The following TCP10L variants were observed in gnomAD, a reference collection of about 807,000 sequenced individuals.
The protein encoded by TCP10L is t-complex 10 like, also known as T-complex protein 10A homolog 1.
Under a neutral mutation model 19.2 loss-of-function variants are expected in TCP10L, and 11 were observed. The ratio of observed to expected loss-of-function variants is 0.57; its 90% CI spans 0.36 to 0.95. TCP10L has a LOEUF of 0.95. TCP10L is among the 40% of genes least tolerant of loss of function. The pLI is 0.01. For missense variants in TCP10L, 247 were observed against 263.9 expected (o/e 0.94, Z 0.44); for synonymous variants, 96 against 97.2 (o/e 0.99, Z 0.07).
Position 32,578,627 on chromosome 21 carries a change from A to G in TCP10L, c.498+67T>C. 1 of 1,565,448 alleles carries G rather than the reference A, an allele frequency of 6.4e-7. No individual in the cohort carries two copies. The highest frequency in any genetic ancestry group is 8.6e-7 in the Non-Finnish European group (1 of 1,156,888). ...GGTGAAATTGTGTGGTGAGGAGCTG[A>G]TGGGATGTGTGTGTTTGGGTACAGA... On this transcript the variant is annotated intron_variant, in intron 4 of 4. Transcript: ENST00000300258. The surrounding 1 kb of genome is among the most constrained non-coding windows in gnomAD (Gnocchi z 4.2).
intron 1 of TCP10L, 127 bp downstream of exon 1, chr21:32,585,294 T>C: frequency 3.7e-6 from 1 of 272,448 alleles, no homozygotes; most frequent in Non-Finnish European, 7.4e-6. Context: ...CTCACAGCCC[T>C]GAGAAAGCTC....
At chr21:32,583,024 C>CTTTTTTTTTTTTTT in intron 2 of TCP10L, among the ~76,000 whole-genome samples, 1 of 94,814 alleles carries the variant, frequency 1.1e-5, no homozygotes, top group Non-Finnish European at 2.1e-5. Flanking sequence ...CATTCTTTTC[C>CTTTTTTTTTTTTTT]TTTTTTTTTT....
At chr21:32,580,739 C>G (rs1468065110) in intron 3 of TCP10L, among the ~76,000 whole-genome samples, 1 of 152,144 alleles carries the variant, frequency 6.6e-6, no homozygotes, top group Non-Finnish European at 1.5e-5. Context: ...AAACAGAACC[C>G]AGACAAGGCA....
Position 32,578,458 on chromosome 21 carries a change from G to A in TCP10L, c.498+236C>T, listed in dbSNP as rs146412605. On this transcript the variant is annotated intron_variant, in intron 4 of 4. Coordinates refer to ENST00000300258, the MANE Select transcript of TCP10L (RefSeq NM_144659.7). The surrounding 1 kb of genome is among the most constrained non-coding windows in gnomAD (Gnocchi z 4.2). Reference sequence around the variant, plus strand: ...CCCAGCCAGACGCTTGCTGCTGTGAGTGTACTCAGAGGGAAGCAGCCGGGA... The same window carrying A: ...CCCAGCCAGACGCTTGCTGCTGTGAATGTACTCAGAGGGAAGCAGCCGGGA... Among the ~76,000 whole-genome samples, 126 of 152,380 alleles carry A rather than the reference G, an allele frequency of 8.3e-4. No homozygotes were observed. The highest frequency in any genetic ancestry group is 3.0e-3 in the African/African-American group (123 of 41,600).
Position 32,576,285 on chromosome 21 carries a change from A to T in TCP10L, c.*489T>A. ...AAGCCTGCACTGGTGATTTTCTGCC[A>T]CTCAAGTTTTGCAGACTTCGGGAAG... On this transcript the variant is annotated 3_prime_UTR_variant, in exon 5 of 5. Coordinates refer to ENST00000300258, the MANE Select transcript of TCP10L (RefSeq NM_144659.7). 2 of 1,573,956 alleles carry T rather than the reference A, an allele frequency of 1.3e-6. No individual in the cohort carries two copies. The highest frequency in any genetic ancestry group is 1.7e-6 in the Non-Finnish European group (2 of 1,150,180).
intron 3 of TCP10L, among the ~76,000 whole-genome samples, chr21:32,580,222 C>T (rs2038476939): frequency 1.3e-5 from 2 of 152,136 alleles, no homozygotes; most frequent in Non-Finnish European, 2.9e-5. Context: ...TCTCCAGCCT[C>T]AGCCTCCCGA....
Position 32,582,175 on chromosome 21 carries a change from A to G in TCP10L, c.360+25T>C, listed in dbSNP as rs1323564445. 1.9e-6 allele frequency: 3 copies of G among 1,610,526 alleles called. No individual in the cohort carries two copies. The South Asian group carries it at 3.3e-5, about 18-fold the overall frequency. On this transcript the variant is annotated intron_variant, in intron 3 of 4. Coordinates refer to ENST00000300258, the MANE Select transcript of TCP10L (RefSeq NM_144659.7). This position sits in a 1 kb window ranked among gnomAD's most constrained non-coding sequence, Gnocchi z 4.2. ...TATTTTTACATAACGCAAACGGTAC[A>G]AAAACATAAATGCGCTTTTGGTACC... is the stretch of plus-strand genomic sequence containing the variant.
Position 32,576,280 on chromosome 21 carries a change from C to T in TCP10L, c.*494G>A. The T allele has an allele frequency of 6.3e-7, 1 of 1,575,806 alleles. No homozygotes were observed. ...CTGGGAAGCCTGCACTGGTGATTTT[C>T]TGCCACTCAAGTTTTGCAGACTTCG... On this transcript the variant is annotated 3_prime_UTR_variant, in exon 5 of 5. Transcript: ENST00000300258.
chr21:32,577,834 C>T (rs1018065417), intron 4 of TCP10L, among the ~76,000 whole-genome samples: 6 of 152,114 alleles, frequency 3.9e-5, no homozygotes, highest in Admixed American at 6.5e-5. Context: ...AGCTGAGAGC[C>T]GTGAACAGAG....
Position 32,578,868 on chromosome 21 carries a change from C to T in TCP10L, c.361-37G>A. 1.9e-6 allele frequency: 3 copies of T among 1,612,782 alleles called. No individual in the cohort carries two copies. The highest frequency in any genetic ancestry group is 2.5e-6 in the Non-Finnish European group (3 of 1,179,572). On this transcript the variant is annotated intron_variant, in intron 3 of 4. Transcript: ENST00000300258. The surrounding 1 kb of genome is among the most constrained non-coding windows in gnomAD (Gnocchi z 4.2). ...AATGCAGGGAAATTCTTCACATTTT[C>T]GAAGGTAAAATAAATTCAAATTTTA...
In TCP10L at chr21:32,578,715, AGATGAC is replaced by A; in HGVS notation, c.471_476del (p.Ser158_Ser159del). On this transcript the variant is annotated inframe_deletion, in exon 4 of 5. Transcript: ENST00000300258. The surrounding 1 kb of genome is among the most constrained non-coding windows in gnomAD (Gnocchi z 4.2). Reference sequence around the variant, plus strand: ...TCACCTTTGGAGGAGCTGAATTGTTAGATGACGATCTTTGTCCCAGGAGAGTGGCAC... The same window carrying A: ...TCACCTTTGGAGGAGCTGAATTGTTAGATCTTTGTCCCAGGAGAGTGGCAC... 1 of 1,614,126 alleles carries A rather than the reference AGATGAC, an allele frequency of 6.2e-7. No individual in the cohort carries two copies. The highest frequency in any genetic ancestry group is 1.1e-5 in the South Asian group (1 of 91,046).
chr21:32,578,916 T>C lies in TCP10L; in HGVS notation c.361-85A>G, dbSNP rs114204812. On this transcript the variant is annotated intron_variant, in intron 3 of 4. Coordinates refer to ENST00000300258, the MANE Select transcript of TCP10L (RefSeq NM_144659.7). The surrounding 1 kb of genome is among the most constrained non-coding windows in gnomAD (Gnocchi z 4.2). ...TTAATACAATGAAGAATAATTGGAA[T>C]GTCCTAGAAAAAAATAGGGTACAAG... 3,037 of 1,597,412 alleles carry C rather than the reference T, an allele frequency of 1.9e-3. 60 individuals carry two copies. The African/African-American group carries it at 0.036, about 19-fold the overall frequency.
In TCP10L at chr21:32,584,323, G is replaced by A. The variant is rs2038534345; in HGVS notation, c.-1-18C>T. 6.2e-7 allele frequency: 1 copy of A among 1,608,896 alleles called. No individual in the cohort carries two copies. Among genetic ancestry groups the A allele is most frequent in the African/African-American group, 1.3e-5 (1 of 74,806 alleles). ...CCAGCATCCTGGTTGGGAAGGGAAG[G>A]GCTATGGGGACACTTGAATGCAGCC... On this transcript the variant is annotated intron_variant, in intron 1 of 4. Coordinates refer to ENST00000300258, the MANE Select transcript of TCP10L (RefSeq NM_144659.7).
intron 2 of TCP10L, among the ~76,000 whole-genome samples, chr21:32,583,449 C>T (rs904059422): frequency 3.3e-5 from 5 of 151,650 alleles, no homozygotes; most frequent in South Asian, 4.2e-4. Context: ...ATTAGCCGGG[C>T]GTAGTGGCGG....
At position 32,575,533 on chromosome 21, in the gene TCP10L, G is replaced by A. The variant is rs1270109095; in HGVS notation, c.*1241C>T. 1 of 152,794 alleles carries A rather than the reference G, an allele frequency of 6.5e-6. No individual in the cohort carries two copies. Among genetic ancestry groups the A allele is most frequent in the Non-Finnish European group, 1.5e-5 (1 of 68,286 alleles). 9.5% of individuals were successfully genotyped at this position (152,794 alleles called of 1,614,324 possible). ...AGGAGTCCAGGTGCCAGGCAGCCCA[G>A]GGCGAGTGGTGCCCACAGGCTTGGG... On this transcript the variant is annotated 3_prime_UTR_variant, in exon 5 of 5. Coordinates refer to ENST00000300258, the MANE Select transcript of TCP10L (RefSeq NM_144659.7).
chr21:32,584,045 G>T, intron 2 of TCP10L, 116 bp downstream of exon 2: 2 of 1,367,018 alleles, frequency 1.5e-6, no homozygotes, highest in Non-Finnish European at 2.0e-6. Flanking sequence ...TCAGTGTCCC[G>T]GGGTGGTGCA....
chr21:32,579,581 C>T (rs1240127679), intron 3 of TCP10L, among the ~76,000 whole-genome samples: 1 of 152,198 alleles, frequency 6.6e-6, no homozygotes, highest in Admixed American at 6.5e-5. Context: ...GAGCGTACAT[C>T]CTGTTCTTAT....
rs987047218 is a variant in TCP10L at position 32,582,538 on chromosome 21, G to A, written c.145-123C>T. The A allele has an allele frequency of 4.8e-6, 4 of 826,670 alleles. No individual in the cohort carries two copies. Among genetic ancestry groups the A allele is most frequent in the Non-Finnish European group, 7.6e-6 (4 of 528,102 alleles). 51.2% of individuals were successfully genotyped at this position (826,670 alleles called of 1,614,324 possible). A position where few individuals can be genotyped will look rare whatever the true frequency, so the allele number is the denominator to read the frequency against. On this transcript the variant is annotated intron_variant, in intron 2 of 4. Coordinates refer to ENST00000300258, the MANE Select transcript of TCP10L (RefSeq NM_144659.7). The surrounding 1 kb of genome is among the most constrained non-coding windows in gnomAD (Gnocchi z 4.2). ...ACTATTTCTGGAATAAAAGACACCC[G>A]ATGAGATAAACAGGACTACCACAGC...
chr21:32,576,805 G>A lies in TCP10L; in HGVS notation c.617C>T (p.Thr206Ile), dbSNP rs1213192329. The A allele has an allele frequency of 6.2e-7, 1 of 1,614,056 alleles. No homozygotes were observed. The highest frequency in any genetic ancestry group is 8.5e-7 in the Non-Finnish European group (1 of 1,180,004). ...ACCCCCCCGTCTCTCTGCACAGGGA[G>A]TTGGCCTTCCAGTAGGTGTTGCTCT... ...DRRATPTGRPTPCAERRGGV is the reference protein window; with the variant it reads ...DRRATPTGRPIPCAERRGGV Residue 206 changes from threonine to isoleucine, a missense_variant, in exon 5 of 5, where the codon ACT becomes ATT. Physicochemically the swap from Thr to Ile is moderately conservative, Grantham distance 89 (BLOSUM62 -1). Transcript: ENST00000300258.
Sources: gnomAD v4.1 joint callset for allele counts (sites outside exome capture counted in the v4.1 genomes callset) on GRCh38, gnomAD v4.1.1 for gene constraint, Gnocchi (gnomAD v3.1) non-coding constraint, MANE v1.5 for transcripts, NCBI Gene and HGNC (gene_info 2026-07-23, HGNC 2026-07-21) for gene names.